SPINK6: variants seen among roughly 807,000 people sequenced by gnomAD.
SPINK6 encodes the protein serine protease inhibitor Kazal-type 6.
SPINK6 carries 13 observed loss-of-function variants against 11.7 expected under a neutral mutation model. That is an observed-to-expected ratio of 1.11 (90% CI 0.72 to 1.76). The LOEUF is 1.76. Ranked by LOEUF, SPINK6 falls within the 40% of genes most tolerant of loss-of-function variation. The probability of loss-of-function intolerance (pLI) is 0.00; values close to 1 mark genes in which losing one functional copy is unlikely to be tolerated. For missense variants in SPINK6, 98 were observed against 93.7 expected, an observed-to-expected ratio of 1.05 and a Z score of -0.19; for synonymous variants, 21 against 31.9, an observed-to-expected ratio of 0.66 and a Z score of 1.15.
At chr5:148,211,631 A>G (rs1314934807) in intron 2 of SPINK6, among the ~76,000 whole-genome samples, 1 of 152,172 alleles carries the variant, frequency 6.6e-6, no homozygotes, top group East Asian at 1.9e-4. Flanking sequence ...CCGTTGTTCA[A>G]GATAACACAG....
intron 2 of SPINK6, among the ~76,000 whole-genome samples, chr5:148,212,614 T>A (rs1201238997): frequency 7.8e-5 from 8 of 102,296 alleles, no homozygotes; most frequent in African/African-American, 3.1e-4. Context: ...TAATATATAT[T>A]TATATTATAT....
chr5:148,213,672 G>C (rs1002212886), intron 2 of SPINK6, among the ~76,000 whole-genome samples: 1 of 152,072 alleles, frequency 6.6e-6, no homozygotes, highest in Non-Finnish European at 1.5e-5. Context: ...AATACAATCT[G>C]TATTCCTTGT....
intron 2 of SPINK6, among the ~76,000 whole-genome samples, chr5:148,211,017 T>C (rs906601442): frequency 1.9e-4 from 29 of 152,154 alleles, no homozygotes; most frequent in African/African-American, 7.0e-4. Context: ...CAAATTTTCA[T>C]TGGTTTTATC....
chr5:148,213,049 T>C (rs895521220), intron 2 of SPINK6, among the ~76,000 whole-genome samples: 2 of 150,708 alleles, frequency 1.3e-5, no homozygotes, highest in Non-Finnish European at 3.0e-5. Context: ...ACTTTATATA[T>C]ACATATCCTA....
Position 148,206,045 on chromosome 5 carries a change from G to C in SPINK6, c.68G>C (p.Ser23Thr). ...TGTGCTTTTCTTTCAGGTGTCTTCA[G>C]TCAGGGAGGACAGGTCAGTGCCTAT... The part of the protein sequence containing the change: ...ALFCFLTGVF[S>T]QGGQVDCGEF... Residue 23 changes from serine to threonine, a missense_variant, in exon 2 of 4, where the codon AGT (serine) becomes ACT (threonine). By Grantham distance (58) the Ser-to-Thr change is moderately conservative (BLOSUM62 1). Transcript: ENST00000325630. 6.2e-7 allele frequency: 1 copy of C among 1,614,060 alleles called. No homozygotes were observed. Among genetic ancestry groups the C allele is most frequent in the Middle Eastern group, 1.7e-4 (1 of 6,060 alleles).
chr5:148,210,118 A>G (rs1007667512), intron 2 of SPINK6, among the ~76,000 whole-genome samples: 14 of 149,660 alleles, frequency 9.4e-5, no homozygotes, highest in South Asian at 4.2e-4. Flanking sequence ...ATATGTATGT[A>G]TGTTTACATT....
chr5:148,212,676 T>C (rs1195594417), intron 2 of SPINK6, among the ~76,000 whole-genome samples: 1 of 112,914 alleles, frequency 8.9e-6, no homozygotes, highest in Non-Finnish European at 1.7e-5. Context: ...TTATATAATA[T>C]ATATTTTATA....
At chr5:148,209,349 A>G (rs1453049760) in intron 2 of SPINK6, among the ~76,000 whole-genome samples, 1 of 152,204 alleles carries the variant, frequency 6.6e-6, no homozygotes, top group East Asian at 1.9e-4. Context: ...CCGTGGCTGC[A>G]TACTGTTTTT....
chr5:148,202,980 C>T (rs76246864), upstream of SPINK6: 542 of 660,888 alleles, frequency 8.2e-4, 1 homozygote, highest in African/African-American at 9.0e-3. Flanking sequence ...CCATTAAATG[C>T]ATAAACTGCA....
chr5:148,212,583 A>AATAT (rs1471009153), intron 2 of SPINK6, among the ~76,000 whole-genome samples: 5 of 102,114 alleles, frequency 4.9e-5, no homozygotes, highest in African/African-American at 2.2e-4. Flanking sequence ...TATATTATAT[A>AATAT]AATATATTTT....
chr5:148,214,696 C>G (rs1312792421), intron 3 of SPINK6, among the ~76,000 whole-genome samples: 1 of 152,160 alleles, frequency 6.6e-6, no homozygotes, highest in African/African-American at 2.4e-5. Context: ...CTTATGATAA[C>G]TCTGAAATTT....
chr5:148,210,338 A>G lies in SPINK6; in HGVS notation c.82-3572A>G, dbSNP rs62388554. Among the ~76,000 whole-genome samples the G allele has an allele frequency of 4.1e-3, 16 of 3,906 alleles. 2 individuals are homozygous for G. The highest frequency in any genetic ancestry group is 0.015 in the African/African-American group (15 of 1,006). 2.6% of individuals were successfully genotyped at this position (3,906 alleles called of 152,430 possible). A position where few individuals can be genotyped will look rare whatever the true frequency, so the allele number is the denominator to read the frequency against. ...TATGTATGTGTTTCTGCATACATAT[A>G]TATGTGTTTCTGCATACATATATAT... On this transcript the variant is annotated intron_variant, in intron 2 of 3. Transcript: ENST00000325630.
At chr5:148,207,021 T>TTGTGTGTGTGTGTGTG (rs61655416) in intron 2 of SPINK6, among the ~76,000 whole-genome samples, 4 of 150,022 alleles carry the variant, frequency 2.7e-5, no homozygotes, top group Middle Eastern at 3.2e-3. Context: ...GATGATGCAT[T>TTGTGTGTGTGTGTGTG]TGTGTGTGTG....
At chr5:148,212,031 G>T (rs1755605219) in intron 2 of SPINK6, among the ~76,000 whole-genome samples, 2 of 151,940 alleles carry the variant, frequency 1.3e-5, no homozygotes, top group Admixed American at 6.6e-5. Context: ...TTAACCTATT[G>T]CTTGTCATTA....
chr5:148,205,384 A>G (rs1755484092), intron 1 of SPINK6, among the ~76,000 whole-genome samples: 1 of 152,242 alleles, frequency 6.6e-6, no homozygotes, highest in Admixed American at 6.5e-5. Flanking sequence ...ACAAACTAAA[A>G]TTACACATAC....
At chr5:148,208,472 ATTC>A (rs1183471067) in intron 2 of SPINK6, among the ~76,000 whole-genome samples, 2 of 152,226 alleles carry the variant, frequency 1.3e-5, no homozygotes, top group Non-Finnish European at 2.9e-5. Flanking sequence ...CACTGAAGTA[ATTC>A]TTCTCATGCC....
At chr5:148,212,647 AAT>A (rs973495501) in intron 2 of SPINK6, among the ~76,000 whole-genome samples, 13 of 105,766 alleles carry the variant, frequency 1.2e-4, no homozygotes, top group East Asian at 9.3e-4. Context: ...ATATAATATA[AAT>A]ATATATATTT....
intron 2 of SPINK6, among the ~76,000 whole-genome samples, chr5:148,210,591 G>A (rs1160181383): frequency 1.3e-5 from 2 of 151,728 alleles, no homozygotes; most frequent in Admixed American, 1.3e-4. Flanking sequence ...GAAATTATAT[G>A]TCATTAGGAA....
chr5:148,205,897 AAAAC>A, intron 1 of SPINK6, 135 bp from the exon 2 acceptor site: 2 of 924,190 alleles, frequency 2.2e-6, no homozygotes, highest in South Asian at 3.0e-5. Context: ...GAAGAAAACA[AAAAC>A]AAACAAAAAA....
Sources: gnomAD v4.1 joint callset for allele counts (sites outside exome capture counted in the v4.1 genomes callset) on GRCh38, gnomAD v4.1.1 for gene constraint, MANE v1.5 for transcripts, NCBI Gene and HGNC (gene_info 2026-07-23, HGNC 2026-07-21) for gene names.